Variants in MGAT5 observed in about 807,000 individuals in gnomAD.
The protein encoded by MGAT5 is alpha-1,6-mannosylglycoprotein 6-beta-N-acetylglucosaminyltransferase.
In MGAT5, 30 loss-of-function variants were observed where a neutral mutation model predicts 94.3. The ratio of observed to expected loss-of-function variants is 0.32; its 90% CI spans 0.24 to 0.43. MGAT5 has a LOEUF of 0.43. Ranked by LOEUF, MGAT5 falls within the 20% of genes least tolerant of loss-of-function variation. The pLI is 1.00. For synonymous variants in MGAT5, 310 were observed against 322.9 expected (o/e 0.96, Z 0.43); for missense variants, 691 against 905.5 (o/e 0.76, Z 3.04).
rs532005088 is a variant in MGAT5, at chr2:134,214,031, G to A, written c.-142-40231G>A. Among the ~76,000 whole-genome samples, 4 of 152,192 alleles carry A rather than the reference G, an allele frequency of 2.6e-5. No homozygotes were observed. The South Asian group carries it at 6.2e-4, about 24-fold the overall frequency. The stretch of plus-strand genomic sequence containing the variant: ...TCTTTGTGGTAGCCAGTCCCATCCC[G>A]AAGCTATTTAGGGACCTCAGCCACC... On this transcript the variant is annotated intron_variant, in intron 1 of 16. Coordinates refer to the MGAT5 transcript ENST00000409645.
chr2:134,348,680 T>C (rs1480831408), intron 8 of MGAT5, among the ~76,000 whole-genome samples: 2 of 152,232 alleles, frequency 1.3e-5, no homozygotes, highest in African/African-American at 4.8e-5. Context: ...TTTACTTTTA[T>C]GCTTCTTAGT....
chr2:134,186,774 T>G (rs935195332), intron 1 of MGAT5, among the ~76,000 whole-genome samples: 1 of 152,186 alleles, frequency 6.6e-6, no homozygotes, highest in African/African-American at 2.4e-5. Context: ...TCATTTGACA[T>G]GCATTGATTG....
At chr2:134,332,890 A>T (rs544706667) in intron 4 of MGAT5, among the ~76,000 whole-genome samples, 1 of 151,896 alleles carries the variant, frequency 6.6e-6, no homozygotes, top group African/African-American at 2.4e-5. Context: ...ATGAGATACC[A>T]TCTCCTACCA....
intron 10 of MGAT5, among the ~76,000 whole-genome samples, chr2:134,389,434 C>CT (rs113974897): frequency 0.038 from 5,757 of 152,156 alleles, 375 homozygotes; most frequent in African/African-American, 0.13. Context: ...AGATTTGCTC[C>CT]TTTTTTAAAG....
chr2:134,433,439 G>T (rs924790335), intron 14 of MGAT5, among the ~76,000 whole-genome samples: 3 of 152,116 alleles, frequency 2.0e-5, no homozygotes, highest in Non-Finnish European at 4.4e-5. Flanking sequence ...TTCTGTTCTG[G>T]CTCTTCAAAG....
chr2:134,417,417 T>C (rs1684043327), intron 12 of MGAT5, among the ~76,000 whole-genome samples: 1 of 152,094 alleles, frequency 6.6e-6, no homozygotes, highest in Non-Finnish European at 1.5e-5. Flanking sequence ...ACATTGCATT[T>C]AATAGTCGTG....
chr2:134,245,947 T>C (rs1682234594), intron 1 of MGAT5, among the ~76,000 whole-genome samples: 1 of 152,178 alleles, frequency 6.6e-6, no homozygotes, highest in African/African-American at 2.4e-5. Flanking sequence ...TGTAGTGTAA[T>C]GAATTAAAAC....
rs75561369 is a variant in MGAT5, at chr2:134,450,904, G to A, written c.*2057G>A. The stretch of plus-strand genomic sequence containing the variant: ...AGGGCAGATGACTGGCATCCTTGCT[G>A]TAAGGAAGAGCTTTTTCCTTGTGAA... On this transcript the variant is annotated 3_prime_UTR_variant, in exon 16 of 16. Coordinates refer to ENST00000281923, the MANE Select transcript of MGAT5 (RefSeq NM_002410.5). 3,631 of 152,158 alleles carry A rather than the reference G, an allele frequency of 0.024. 80 individuals are homozygous for A. The highest frequency in any genetic ancestry group is 0.14 in the Middle Eastern group (42 of 296). The allele number at this position is 152,158 out of a possible 1,614,324, so 9.4% of individuals were successfully genotyped here. A position where few individuals can be genotyped will look rare whatever the true frequency, so the allele number is the denominator to read the frequency against.
At chr2:134,353,310 ATTAC>A (rs997700368) in intron 9 of MGAT5, among the ~76,000 whole-genome samples, 15 of 152,192 alleles carry the variant, frequency 9.9e-5, no homozygotes, top group African/African-American at 3.6e-4. Flanking sequence ...AGAGAAGATT[ATTAC>A]TTAAGTGGCT....
chr2:134,404,751 G>A (rs1377337163), intron 11 of MGAT5, among the ~76,000 whole-genome samples: 1 of 152,162 alleles, frequency 6.6e-6, no homozygotes, highest in African/African-American at 2.4e-5. Flanking sequence ...CCAAAGACCT[G>A]GTTTGTTTTA....
At chr2:134,159,010 G>A (rs1377616391) in intron 1 of MGAT5, among the ~76,000 whole-genome samples, 1 of 152,054 alleles carries the variant, frequency 6.6e-6, no homozygotes, top group Non-Finnish European at 1.5e-5. Context: ...TTTCATACAT[G>A]TTTCAATGTT....
At chr2:134,180,642 C>T (rs568564653) in intron 1 of MGAT5, among the ~76,000 whole-genome samples, 3 of 152,284 alleles carry the variant, frequency 2.0e-5, no homozygotes, top group African/African-American at 7.2e-5. Context: ...CAGGACTAGG[C>T]TCTGTGAGGA....
At chr2:134,415,594 T>G (rs768407556) in intron 12 of MGAT5, among the ~76,000 whole-genome samples, 4 of 152,228 alleles carry the variant, frequency 2.6e-5, no homozygotes, top group Non-Finnish European at 5.9e-5. Flanking sequence ...ATTGATTGTT[T>G]CCTTTGCTGT....
Position 134,381,364 on chromosome 2 carries a change from T to TAGATAGATAGATAGATAGATA in MGAT5, c.1380+18961_1380+18962insGATAGATAGATAGATAAGATA, listed in dbSNP as rs150819045. The stretch of plus-strand genomic sequence containing the variant: ...ATAGATAGATAGATAGATAGATAGA[T>TAGATAGATAGATAGATAGATA]AGATAAGATAAGATAGATTAGATAG... On this transcript the variant is annotated intron_variant, in intron 10 of 15. Coordinates refer to ENST00000281923, the MANE Select transcript of MGAT5 (RefSeq NM_002410.5). 3.1e-3 allele frequency among the ~76,000 whole-genome samples: 300 copies of TAGATAGATAGATAGATAGATA among 95,510 alleles called. 6 individuals carry two copies. The highest frequency in any genetic ancestry group is 9.5e-3 in the South Asian group (29 of 3,046). The allele number at this position is 95,510 out of a possible 152,430, so 62.7% of individuals were successfully genotyped here. A position where few individuals can be genotyped will look rare whatever the true frequency, so the allele number is the denominator to read the frequency against.
At chr2:134,195,703 T>C (rs1679462412) in intron 1 of MGAT5, among the ~76,000 whole-genome samples, 1 of 152,232 alleles carries the variant, frequency 6.6e-6, no homozygotes, top group Non-Finnish European at 1.5e-5. Context: ...AGCGCCTTTT[T>C]AACGTCTATA....
intron 1 of MGAT5, among the ~76,000 whole-genome samples, chr2:134,181,227 T>C (rs1282376606): frequency 2.0e-5 from 3 of 152,162 alleles, no homozygotes; most frequent in Admixed American, 2.0e-4. Flanking sequence ...CAGCTTCCAG[T>C]AGGTAGAGTC....
intron 1 of MGAT5, among the ~76,000 whole-genome samples, chr2:134,173,089 C>T (rs915086053): frequency 2.6e-5 from 4 of 152,138 alleles, no homozygotes; most frequent in South Asian, 4.2e-4. Flanking sequence ...TGGGAGAAAC[C>T]GGAGAAACAG....
rs142030188 is a variant in MGAT5, at chr2:134,285,990, T to C, written c.406+15440T>C. Among the ~76,000 whole-genome samples the C allele has an allele frequency of 4.8e-4, 73 of 152,368 alleles. 2 individuals are homozygous for C. The East Asian group carries it at 5.6e-3, about 12-fold the overall frequency. On this transcript the variant is annotated intron_variant, in intron 2 of 15. Transcript: ENST00000281923. Reference sequence around the variant, plus strand: ...AAATTGCCATTCTGATACATCTTTCTGTTTTTCCCAGCGTTAATAATTTAC... The same window carrying C: ...AAATTGCCATTCTGATACATCTTTCCGTTTTTCCCAGCGTTAATAATTTAC...
chr2:134,370,834 A>G (rs1408304792), intron 10 of MGAT5, among the ~76,000 whole-genome samples: 1 of 152,272 alleles, frequency 6.6e-6, no homozygotes. Flanking sequence ...GCCATGATCC[A>G]GGAACCTTAA....
Sources: gnomAD v4.1 joint callset for allele counts (sites outside exome capture counted in the v4.1 genomes callset) on GRCh38, gnomAD v4.1.1 for gene constraint, MANE v1.5 for transcripts, NCBI Gene and HGNC (gene_info 2026-07-23, HGNC 2026-07-21) for gene names.